Variants in B4GALT4 observed in about 807,000 individuals in gnomAD.
The protein encoded by B4GALT4 is beta-1,4-galactosyltransferase 4.
In B4GALT4, 27 loss-of-function variants were observed where a neutral mutation model predicts 37.3. The observed-to-expected ratio is 0.72, with a 90% CI of 0.53 to 1.00. B4GALT4 has a LOEUF of 1.00. B4GALT4 is among the 50% of genes least tolerant of loss of function. The probability of loss-of-function intolerance (pLI) is 0.00; values close to 1 mark genes in which losing one functional copy is unlikely to be tolerated. For missense variants in B4GALT4, 372 were observed against 413.1 expected (o/e 0.90, Z 0.86); for synonymous variants, 148 against 154.1 (o/e 0.96, Z 0.29).
At chr3:119,220,758 G>A (rs145086031) in intron 5 of B4GALT4, among the ~76,000 whole-genome samples, 310 of 152,246 alleles carry the variant, frequency 2.0e-3, no homozygotes, top group African/African-American at 7.2e-3. Context: ...AGGCCAAGGC[G>A]GACGGATCAA....
chr3:119,228,265 C>G (rs1348479763), intron 3 of B4GALT4, among the ~76,000 whole-genome samples: 1 of 152,188 alleles, frequency 6.6e-6, no homozygotes, highest in Non-Finnish European at 1.5e-5. Context: ...CTCACCTTCT[C>G]ATCGTCATAA....
chr3:119,217,155 G>A (rs1448604240), intron 6 of B4GALT4, among the ~76,000 whole-genome samples: 3 of 152,242 alleles, frequency 2.0e-5, no homozygotes, highest in African/African-American at 7.2e-5. Flanking sequence ...CTGAAGCATA[G>A]CAGGAAAGAA....
At chr3:119,227,396 T>C (rs557228959) in intron 3 of B4GALT4, among the ~76,000 whole-genome samples, 4 of 152,306 alleles carry the variant, frequency 2.6e-5, no homozygotes, top group Non-Finnish European at 4.4e-5. Flanking sequence ...TCTATCCTCT[T>C]TTCCTTCACC....
chr3:119,228,043 C>G (rs561276704), intron 3 of B4GALT4, among the ~76,000 whole-genome samples: 1 of 152,156 alleles, frequency 6.6e-6, no homozygotes, highest in South Asian at 2.1e-4. Context: ...GTCAGTAATG[C>G]CCTAAAAACA....
chr3:119,234,360 T>A lies in B4GALT4; in HGVS notation c.-146+2493A>T, dbSNP rs1454928620. Reference sequence around the variant, plus strand: ...GTCTCAAACTCCTGACCTCAAATGATCTGCCCACCTCAGCCTCCCAAAGTG... The same window carrying A: ...GTCTCAAACTCCTGACCTCAAATGAACTGCCCACCTCAGCCTCCCAAAGTG... On this transcript the variant is annotated intron_variant, in intron 2 of 7. Transcript: ENST00000393765. Among the ~76,000 whole-genome samples the A allele has an allele frequency of 2.0e-5, 3 of 152,190 alleles. No homozygotes were observed. In the East Asian group the frequency reaches 5.8e-4, roughly 29 times the overall value.
chr3:119,230,059 CG>C lies in B4GALT4; in HGVS notation c.40del (p.Arg14AspfsTer6). On this transcript the variant is annotated frameshift_variant, in exon 3 of 8. Transcript: ENST00000393765. LOFTEE classifies it high-confidence loss of function. Reference sequence around the variant, plus strand: ...GCACAAAGTCAACAGCAACAGTAATCGGAATTTGTAGGAAAGGTGGAAAGTC... The same window carrying C: ...GCACAAAGTCAACAGCAACAGTAATCGAATTTGTAGGAAAGGTGGAAAGTC... ...NLTFHLSYKF[R>X]LLLLLTLCLT... The C allele has an allele frequency of 6.2e-7, 1 of 1,614,126 alleles. No homozygotes were observed. The highest frequency in any genetic ancestry group is 8.5e-7 in the Non-Finnish European group (1 of 1,180,018).
chr3:119,227,091 G>T, intron 3 of B4GALT4, 50 bp from the exon 4 acceptor site: 1 of 1,545,022 alleles, frequency 6.5e-7, no homozygotes, highest in Non-Finnish European at 8.9e-7. Flanking sequence ...TTCAAAAAGT[G>T]TTGAGGTTTA....
intron 6 of B4GALT4, 119 bp from the exon 7 acceptor site, chr3:119,216,463 C>CAT: frequency 2.2e-6 from 1 of 454,330 alleles, no homozygotes. Flanking sequence ...CACACACACA[C>CAT]ACACACACAG....
chr3:119,225,658 T>C (rs6774957), intron 4 of B4GALT4, among the ~76,000 whole-genome samples: 43 of 152,138 alleles, frequency 2.8e-4, no homozygotes, highest in African/African-American at 1.0e-3. Context: ...CAAACTCCTA[T>C]CCTCAAGTGA....
chr3:119,225,780 A>G (rs533247047), intron 4 of B4GALT4, among the ~76,000 whole-genome samples: 1 of 152,348 alleles, frequency 6.6e-6, no homozygotes, highest in African/African-American at 2.4e-5. Flanking sequence ...GTCCTGAGCA[A>G]GAACTCAGAA....
Position 119,226,770 on chromosome 3 carries a change from G to A in B4GALT4, c.486+39C>T, listed in dbSNP as rs534945299. The A allele has an allele frequency of 1.4e-4, 220 of 1,554,894 alleles. 3 individuals carry two copies. In the South Asian group the frequency reaches 2.4e-3, roughly 17 times the overall value. Reference sequence around the variant, plus strand: ...CATGGCCAAGTCTGGCAGAGAAGAGGAGGGTCGAGGGCAGGCCCTGGTCTG... The same window carrying A: ...CATGGCCAAGTCTGGCAGAGAAGAGAAGGGTCGAGGGCAGGCCCTGGTCTG... On this transcript the variant is annotated intron_variant, in intron 4 of 7. Transcript: ENST00000393765.
intron 7 of B4GALT4, chr3:119,214,319 C>T (rs1344217541): frequency 6.6e-6 from 1 of 152,178 alleles, no homozygotes; most frequent in Non-Finnish European, 1.5e-5. Context: ...GCACTAAAAA[C>T]CCCTTAAGAC....
chr3:119,212,286 T>C lies in B4GALT4; in HGVS notation c.*263A>G, dbSNP rs2078180419. On this transcript the variant is annotated 3_prime_UTR_variant, in exon 8 of 8. Coordinates refer to ENST00000393765, the MANE Select transcript of B4GALT4 (RefSeq NM_003778.4). The stretch of plus-strand genomic sequence containing the variant: ...AATAGCGTTCATTTTATCCTTTGAG[T>C]CATCCTTTTATATAAAGTCCTTCAA... 3 of 697,254 alleles carry C rather than the reference T, an allele frequency of 4.3e-6. No individual in the cohort carries two copies. Among genetic ancestry groups the C allele is most frequent in the African/African-American group, 3.5e-5 (2 of 56,800 alleles). The allele number at this position is 697,254 out of a possible 1,614,324, so 43.2% of individuals were successfully genotyped here.
chr3:119,229,526 G>GTA (rs2078741920), intron 3 of B4GALT4, among the ~76,000 whole-genome samples: 1 of 152,198 alleles, frequency 6.6e-6, no homozygotes, highest in Non-Finnish European at 1.5e-5. Flanking sequence ...AATCTAATGT[G>GTA]TAGAGTTAGA....
At chr3:119,235,552 A>C (rs79772944) in intron 2 of B4GALT4, among the ~76,000 whole-genome samples, 5,116 of 152,118 alleles carry the variant, frequency 0.034, 131 homozygotes, top group South Asian at 0.14. Context: ...TTATTTTGCT[A>C]CTCTTTTTAC....
At position 119,212,524 on chromosome 3, in the gene B4GALT4, C is replaced by T; in HGVS notation, c.*25G>A. 2 of 1,560,556 alleles carry T rather than the reference C, an allele frequency of 1.3e-6. No homozygotes were observed. The highest frequency in any genetic ancestry group is 3.4e-4 in the Middle Eastern group (2 of 5,824). ...TATTGCAAACAAAGAATCAGTTCTT[C>T]CAAACATCACCAAAAGACCCAGGGT... is the stretch of plus-strand genomic sequence containing the variant. On this transcript the variant is annotated 3_prime_UTR_variant, in exon 8 of 8. Coordinates refer to ENST00000393765, the MANE Select transcript of B4GALT4 (RefSeq NM_003778.4).
intron 7 of B4GALT4, 165 bp downstream of exon 7, chr3:119,216,075 G>A: frequency 2.3e-6 from 1 of 432,562 alleles, no homozygotes; most frequent in Non-Finnish European, 4.0e-6. Flanking sequence ...TAGACGTGAG[G>A]GTTCAGTGCA....
At position 119,229,975 on chromosome 3, in the gene B4GALT4, G is replaced by C. The variant is rs1477740505; in HGVS notation, c.125C>G (p.Pro42Arg). ...ATTAGCCATGAACTCCTTTGCTTTA[G>C]GAATCTCTTGAATGGCACCCACGAA... ...NYFVGAIQEI[P>R]KAKEFMANFH... The change falls in exon 3 of 8, where the codon CCT becomes CGT. Residue 42 changes from proline to arginine, a missense_variant. Physicochemically the swap from Pro to Arg is moderately radical, Grantham distance 103. Coordinates refer to ENST00000393765, the MANE Select transcript of B4GALT4 (RefSeq NM_003778.4). The C allele has an allele frequency of 2.5e-6, 4 of 1,614,126 alleles. No homozygotes were observed. The East Asian group carries it at 8.9e-5, about 36-fold the overall frequency.
chr3:119,227,841 A>G (rs1389541087), intron 3 of B4GALT4, among the ~76,000 whole-genome samples: 2 of 152,198 alleles, frequency 1.3e-5, no homozygotes, highest in African/African-American at 4.8e-5. Context: ...TTCCTGTGCG[A>G]AAGTCGCCAT....
Sources: gnomAD v4.1 joint callset for allele counts (sites outside exome capture counted in the v4.1 genomes callset) on GRCh38, gnomAD v4.1.1 for gene constraint, MANE v1.5 for transcripts, NCBI Gene and HGNC (gene_info 2026-07-23, HGNC 2026-07-21) for gene names.